Variants in ENPP1 observed in about 807,000 individuals in gnomAD.
ENPP1 encodes the protein ectonucleotide pyrophosphatase/phosphodiesterase 1.
A neutral mutation model predicts 122.8 loss-of-function variants in ENPP1; 73 were observed. The observed-to-expected ratio is 0.59, with a 90% CI of 0.49 to 0.72. The LOEUF is 0.72. Ranked by LOEUF, ENPP1 falls within the 30% of genes least tolerant of loss-of-function variation. ENPP1 has a pLI of 0.00. For missense variants in ENPP1, 978 were observed against 1,128.1 expected (o/e 0.87, Z 1.91); for synonymous variants, 367 against 391.6 (o/e 0.94, Z 0.74).
chr6:131,884,206 T>C lies in ENPP1; in HGVS notation c.2311+432T>C, dbSNP rs140931419. Among the ~76,000 whole-genome samples, 950 of 152,328 alleles carry C rather than the reference T, an allele frequency of 6.2e-3. 7 individuals are homozygous for C. The highest frequency in any genetic ancestry group is 0.022 in the African/African-American group (897 of 41,574). On this transcript the variant is annotated intron_variant, in intron 22 of 24. Coordinates refer to ENST00000647893, the MANE Select transcript of ENPP1 (RefSeq NM_006208.3). The stretch of plus-strand genomic sequence containing the variant: ...GTTACTTAAATTGATGTATAGAATA[T>C]CAAAATATAAGCATATAAGGAGTTT...
Position 131,835,186 on chromosome 6 carries a change from T to C in ENPP1, c.241-12590T>C, listed in dbSNP as rs138264389. On this transcript the variant is annotated intron_variant, in intron 1 of 24. Transcript: ENST00000647893. ...ATATGGCTGGAATTTTAATGTGTAATTTACTTACAGTTTAAGTGGTAAAAT... is the reference window on the plus strand; with the variant it reads ...ATATGGCTGGAATTTTAATGTGTAACTTACTTACAGTTTAAGTGGTAAAAT... 3.0e-3 allele frequency among the ~76,000 whole-genome samples: 451 copies of C among 152,360 alleles called. 6 individuals carry two copies. Among genetic ancestry groups the C allele is most frequent in the African/African-American group, 0.01 (435 of 41,594 alleles).
chr6:131,813,316 C>A (rs1332648524), intron 1 of ENPP1, among the ~76,000 whole-genome samples: 1 of 151,710 alleles, frequency 6.6e-6, no homozygotes, highest in Non-Finnish European at 1.5e-5. Context: ...ACCAGAATGA[C>A]CAACATGGTG....
At chr6:131,888,333 G>A (rs1481138195) in intron 24 of ENPP1, among the ~76,000 whole-genome samples, 1 of 151,482 alleles carries the variant, frequency 6.6e-6, no homozygotes, top group Non-Finnish European at 1.5e-5. Context: ...ATGGGTGGTA[G>A]GTACCTGGAG....
chr6:131,819,704 A>G, intron 1 of ENPP1: 1 of 251,088 alleles, frequency 4.0e-6, no homozygotes, highest in Non-Finnish European at 7.9e-6. Context: ...AGACACACAC[A>G]TTTGTCTACT....
chr6:131,888,859 A>C (rs1251376134), intron 24 of ENPP1, among the ~76,000 whole-genome samples: 1 of 152,216 alleles, frequency 6.6e-6, no homozygotes, highest in East Asian at 1.9e-4. Context: ...AGCAAATAAC[A>C]GAAACCCCTT....
rs139208870 is a variant in ENPP1, at chr6:131,850,015, C to T, written c.339C>T (p.Phe113=). 3.2e-5 allele frequency: 51 copies of T among 1,613,722 alleles called. No individual in the cohort carries two copies. The highest frequency in any genetic ancestry group is 4.1e-5 in the Non-Finnish European group (48 of 1,179,808). The part of the protein sequence containing the change: ...KEVKSCKGRC[F]ERTFGNCRCD... The stretch of plus-strand genomic sequence containing the variant: ...TTAAAAGTTGCAAAGGTCGCTGTTT[C>T]GAGAGAACATTTGGGAACTGTCGCT... The change falls in exon 3 of 25, where the codon TTC becomes TTT. Residue 113 remains phenylalanine, a synonymous_variant. Transcript: ENST00000647893.
rs371248909 is a variant in ENPP1 at position 131,877,065 on chromosome 6, T to G, written c.1797T>G (p.Val599=). The change falls in exon 18 of 25, where the codon GTT becomes GTG. Residue 599 remains valine, a synonymous_variant. Coordinates refer to ENST00000647893, the MANE Select transcript of ENPP1 (RefSeq NM_006208.3). ...TTAACCACCTTCTAAAGAATCCTGT[T>G]TATACGCCAAAGCATCCCAAAGAAG... ...GSLNHLLKNP[V]YTPKHPKEVH... is the part of the protein sequence containing the mutation. 6.2e-7 allele frequency: 1 copy of G among 1,613,980 alleles called. No homozygotes were observed. Among genetic ancestry groups the G allele is most frequent in the African/African-American group, 1.3e-5 (1 of 74,934 alleles).
rs758479209 is a variant in ENPP1, at chr6:131,876,979, T to A, written c.1724-13T>A. 1 of 1,613,270 alleles carries A rather than the reference T, an allele frequency of 6.2e-7. No homozygotes were observed. The highest frequency in any genetic ancestry group is 1.3e-5 in the African/African-American group (1 of 74,910). ...AAACATCTAAGTAACTCTACCATCT[T>A]GAAATTATGCAGATTTACTGAATTT... On this transcript the variant is annotated splice_polypyrimidine_tract_variant and intron_variant, in intron 17 of 24. Transcript: ENST00000647893.
intron 1 of ENPP1, chr6:131,819,939 CTT>C (rs35498599): frequency 3.2e-3 from 1,389 of 437,418 alleles, no homozygotes; most frequent in South Asian, 4.6e-3. Context: ...TCCATAGCTT[CTT>C]TTTTTTTTTT....
intron 14 of ENPP1, among the ~76,000 whole-genome samples, 200 bp downstream of exon 14, chr6:131,872,301 G>A (rs1243235551): frequency 6.6e-6 from 1 of 151,932 alleles, no homozygotes; most frequent in Non-Finnish European, 1.5e-5. Context: ...TTAAGAATTT[G>A]TCTATTGGCA....
chr6:131,852,993 G>A (rs1399471910), intron 5 of ENPP1, among the ~76,000 whole-genome samples: 1 of 152,088 alleles, frequency 6.6e-6, no homozygotes, highest in Non-Finnish European at 1.5e-5. Flanking sequence ...AAGGTGTTAA[G>A]TGTATTTATC....
intron 1 of ENPP1, among the ~76,000 whole-genome samples, chr6:131,812,812 C>G (rs1781369854): frequency 6.6e-6 from 1 of 152,090 alleles, no homozygotes; most frequent in African/African-American, 2.4e-5. Flanking sequence ...TATCTTAAAG[C>G]AAGGGCTTAC....
At chr6:131,885,312 C>A (rs182371315) in intron 23 of ENPP1, among the ~76,000 whole-genome samples, 75 of 152,282 alleles carry the variant, frequency 4.9e-4, no homozygotes, top group Admixed American at 8.5e-4. Flanking sequence ...ATAATTTTTG[C>A]ACTCAGTTTA....
At chr6:131,874,234 CT>C in intron 15 of ENPP1, 33 bp from the exon 16 acceptor site, 1 of 1,178,456 alleles carries the variant, frequency 8.5e-7, no homozygotes. Flanking sequence ...TATGAAAGGA[CT>C]TTACATTTTT....
At chr6:131,874,205 A>T in intron 15 of ENPP1, 63 bp from the exon 16 acceptor site, 4 of 964,508 alleles carry the variant, frequency 4.1e-6, no homozygotes, top group Non-Finnish European at 6.7e-6. Context: ...AAATAATGTT[A>T]TGATTATCAA....
chr6:131,885,060 G>A lies in ENPP1; in HGVS notation c.2441G>A (p.Arg814Lys). 1 of 1,613,866 alleles carries A rather than the reference G, an allele frequency of 6.2e-7. No individual in the cohort carries two copies. Among genetic ancestry groups the A allele is most frequent in the Non-Finnish European group, 8.5e-7 (1 of 1,179,878 alleles). The change falls in exon 23 of 25, where the codon AGG becomes AAG. Residue 814 changes from arginine (R) to lysine (K), a missense_variant. Arg to Lys is a conservative substitution (Grantham distance 26). Around this residue, in one of 3 missense-constraint regions of ENPP1, gnomAD observed 644 missense variants for 781.5 expected, o/e 0.82. Coordinates refer to ENST00000647893, the MANE Select transcript of ENPP1 (RefSeq NM_006208.3). ...DGRCDSLENL[R>K]QKRRVIRNQE... is the part of the protein sequence containing the mutation. Reference sequence around the variant, plus strand: ...CGTTGTGATTCCTTAGAGAATCTGAGGCAGTAAGAACATATTTCATTACTC... The same window carrying A: ...CGTTGTGATTCCTTAGAGAATCTGAAGCAGTAAGAACATATTTCATTACTC...
chr6:131,872,421 G>C (rs181977115), intron 14 of ENPP1, among the ~76,000 whole-genome samples: 1 of 152,184 alleles, frequency 6.6e-6, no homozygotes, highest in African/African-American at 2.4e-5. Context: ...CACCATTAGC[G>C]TTATGATATA....
chr6:131,887,835 G>A (rs1322636523), intron 24 of ENPP1, among the ~76,000 whole-genome samples: 1 of 146,598 alleles, frequency 6.8e-6, no homozygotes, highest in Non-Finnish European at 1.5e-5. Context: ...AAAATGCTGG[G>A]ATTACAGGCG....
chr6:131,870,654 A>G (rs1178329729), intron 13 of ENPP1, among the ~76,000 whole-genome samples: 1 of 152,250 alleles, frequency 6.6e-6, no homozygotes, highest in African/African-American at 2.4e-5. Context: ...ACTGCAGGAA[A>G]ATGGTTATGC....
Sources: gnomAD v4.1 joint callset for allele counts (sites outside exome capture counted in the v4.1 genomes callset) on GRCh38, gnomAD v4.1.1 for gene constraint, gnomAD v4.1.1 regional missense constraint, MANE v1.5 for transcripts, NCBI Gene and HGNC (gene_info 2026-07-23, HGNC 2026-07-21) for gene names.